The following RSPO3 variants were observed in gnomAD, a reference collection of about 807,000 sequenced individuals.
RSPO3 encodes R-spondin 3.
Under a neutral mutation model 36.5 loss-of-function variants are expected in RSPO3, and 17 were observed. The observed-to-expected ratio is 0.47, with a 90% CI of 0.32 to 0.70. RSPO3 has a LOEUF of 0.70. Among genes scored for constraint, RSPO3 ranks in the 30% least tolerant of loss-of-function variants. The pLI, the probability that RSPO3 is intolerant of heterozygous loss-of-function variation, is 0.04. For synonymous variants in RSPO3, 108 were observed against 107.0 expected, an observed-to-expected ratio of 1.01 and a Z score of -0.06; for missense variants, 294 against 322.5, an observed-to-expected ratio of 0.91 and a Z score of 0.68.
Position 127,196,310 on chromosome 6 carries a change from G to A in RSPO3, c.*303G>A. ...TAACAACGAAATGATGACATCTGGAGAAGAAACATCTTTTCCTTATAAAAA... is the reference window on the plus strand; with the variant it reads ...TAACAACGAAATGATGACATCTGGAAAAGAAACATCTTTTCCTTATAAAAA... On this transcript the variant is annotated 3_prime_UTR_variant, in exon 5 of 5. Transcript: ENST00000356698. 5.1e-6 allele frequency: 1 copy of A among 195,876 alleles called. No homozygotes were observed. The highest frequency in any genetic ancestry group is 6.1e-5 in the Admixed American group (1 of 16,484). The allele number at this position is 195,876 out of a possible 1,614,324, so 12.1% of individuals were successfully genotyped here. A position where few individuals can be genotyped will look rare whatever the true frequency, so the allele number is the denominator to read the frequency against.
rs56213480 is a variant in RSPO3 at position 127,188,743 on chromosome 6, T to C, written c.635-7080T>C. On this transcript the variant is annotated intron_variant, in intron 4 of 4. Transcript: ENST00000356698. ...GTTTATTCCAAATGCTATTAAGTTC[T>C]GAGTTAATTTCTGATAAGCAGCTTT... 5.2e-3 allele frequency among the ~76,000 whole-genome samples: 797 copies of C among 152,302 alleles called. 6 individuals carry two copies. Among genetic ancestry groups the C allele is most frequent in the African/African-American group, 0.018 (728 of 41,570 alleles).
chr6:127,196,551 T>G lies in RSPO3; in HGVS notation c.*544T>G, dbSNP rs1330438639. 1 of 152,182 alleles carries G rather than the reference T, an allele frequency of 6.6e-6. No homozygotes were observed. Among genetic ancestry groups the G allele is most frequent in the East Asian group, 1.9e-4 (1 of 5,180 alleles). 9.4% of individuals were successfully genotyped at this position (152,182 alleles called of 1,614,324 possible). On this transcript the variant is annotated 3_prime_UTR_variant, in exon 5 of 5. Transcript: ENST00000356698. ...CAGAAACAACTGTTTTAAGATTAGT[T>G]CCATCACTCTCATCCTGTATTTTTA...
At chr6:127,163,713 C>A (rs539430438) in intron 4 of RSPO3, among the ~76,000 whole-genome samples, 2 of 151,896 alleles carry the variant, frequency 1.3e-5, no homozygotes, top group African/African-American at 4.8e-5. Context: ...TTACGACATA[C>A]TTATTACTTT....
intron 1 of RSPO3, among the ~76,000 whole-genome samples, chr6:127,144,569 T>C (rs1774341039): frequency 6.6e-6 from 1 of 151,772 alleles, no homozygotes; most frequent in South Asian, 2.1e-4. Context: ...TATAATACAT[T>C]TTGTTCTCTT....
intron 1 of RSPO3, among the ~76,000 whole-genome samples, chr6:127,145,197 C>T (rs1250830292): frequency 6.6e-6 from 1 of 152,096 alleles, no homozygotes; most frequent in Non-Finnish European, 1.5e-5. Context: ...CTTTTCAAAT[C>T]CTCTTTCTTG....
chr6:127,192,502 G>A (rs1483529015), intron 4 of RSPO3: 2 of 201,308 alleles, frequency 9.9e-6, no homozygotes, highest in Non-Finnish European at 1.8e-5. Context: ...GGCAGACCTA[G>A]AATTTGAAAA....
chr6:127,150,277 A>C, intron 2 of RSPO3, 149 bp from the exon 3 acceptor site: 2 of 631,962 alleles, frequency 3.2e-6, no homozygotes, highest in Non-Finnish European at 2.7e-6. Flanking sequence ...CTGTGGAGGA[A>C]TCGTGAATTC....
chr6:127,149,858 A>C (rs1446916993), intron 2 of RSPO3, among the ~76,000 whole-genome samples: 2 of 152,104 alleles, frequency 1.3e-5, no homozygotes, highest in Non-Finnish European at 2.9e-5. Flanking sequence ...ATTGTAAAGC[A>C]TTATAGCAAT....
intron 4 of RSPO3, among the ~76,000 whole-genome samples, chr6:127,174,866 G>A (rs140108005): frequency 6.6e-6 from 1 of 151,834 alleles, no homozygotes; most frequent in East Asian, 2.0e-4. Flanking sequence ...AGTTCAAAGG[G>A]AAGTCTGACA....
At chr6:127,156,369 G>C (rs1774598338) in intron 4 of RSPO3, among the ~76,000 whole-genome samples, 1 of 152,074 alleles carries the variant, frequency 6.6e-6, no homozygotes, top group African/African-American at 2.4e-5. Context: ...CTTCCAGCCA[G>C]AAGACCCTCA....
At chr6:127,176,051 A>G (rs1775050143) in intron 4 of RSPO3, among the ~76,000 whole-genome samples, 1 of 151,814 alleles carries the variant, frequency 6.6e-6, no homozygotes. Context: ...AGATCCAGAC[A>G]TAAAGACAAA....
At chr6:127,126,256 G>A (rs1773937290) in intron 1 of RSPO3, among the ~76,000 whole-genome samples, 1 of 151,998 alleles carries the variant, frequency 6.6e-6, no homozygotes, top group South Asian at 2.1e-4. Flanking sequence ...CTGAACACAA[G>A]TACTTCAGAG....
chr6:127,183,803 A>G (rs1461421129), intron 4 of RSPO3, among the ~76,000 whole-genome samples: 2 of 151,906 alleles, frequency 1.3e-5, no homozygotes, highest in African/African-American at 4.8e-5. Flanking sequence ...GAATCTCCCA[A>G]TACTATCCAC....
At chr6:127,140,179 T>A (rs1774242350) in intron 1 of RSPO3, among the ~76,000 whole-genome samples, 1 of 152,210 alleles carries the variant, frequency 6.6e-6, no homozygotes, top group Admixed American at 6.6e-5. Flanking sequence ...GTTGTTACTC[T>A]AAGTTATTTA....
In RSPO3 at chr6:127,195,823, G is replaced by A; in HGVS notation, c.635G>A (p.Gly212Glu). The A allele has an allele frequency of 2.0e-6, 3 of 1,498,096 alleles. No homozygotes were observed. The highest frequency in any genetic ancestry group is 1.4e-5 in the South Asian group (1 of 73,122). 92.8% of individuals were successfully genotyped at this position (1,498,096 alleles called of 1,614,324 possible). ...QRKKCQKGER[G>E]KKGRERKRKK... ...TTAAAAGAGTATCCTTTCATTTCAG[G>A]AAAAAAAGGAAGGGAGAGGAAAAGA... is the stretch of plus-strand genomic sequence containing the variant. Residue 212 changes from glycine to glutamate, a missense_variant and splice_region_variant, in exon 5 of 5, where the codon GGA becomes GAA. This residue lies in a region of RSPO3 where 190 missense variants were observed against 185.2 expected (regional missense o/e 1.03). Coordinates refer to ENST00000356698, the MANE Select transcript of RSPO3 (RefSeq NM_032784.5).
chr6:127,125,264 T>C (rs1359782739), intron 1 of RSPO3, among the ~76,000 whole-genome samples: 1 of 152,220 alleles, frequency 6.6e-6, no homozygotes, highest in African/African-American at 2.4e-5. Flanking sequence ...CACCGCCTTA[T>C]TAATGTTTCA....
In RSPO3 at chr6:127,136,870, G is replaced by A. The variant is rs578195007; in HGVS notation, c.98-11778G>A. On this transcript the variant is annotated intron_variant, in intron 1 of 4. Transcript: ENST00000356698. ...GAGGAAATCTTTATTATAGATGAGAGTCTTACTAGCTGACAATGTGAACTG... is the reference window on the plus strand; with the variant it reads ...GAGGAAATCTTTATTATAGATGAGAATCTTACTAGCTGACAATGTGAACTG... 1.5e-4 allele frequency among the ~76,000 whole-genome samples: 23 copies of A among 152,278 alleles called. 1 individual carries two copies. Among genetic ancestry groups the A allele is most frequent in the African/African-American group, 5.1e-4 (21 of 41,574 alleles).
chr6:127,155,394 G>T lies in RSPO3; in HGVS notation c.590G>T (p.Arg197Ile). 2 of 1,613,800 alleles carry T rather than the reference G, an allele frequency of 1.2e-6. No homozygotes were observed. The highest frequency in any genetic ancestry group is 1.7e-6 in the Non-Finnish European group (2 of 1,179,818). Reference protein sequence around the residue: ...GNLCPPTNETRKCTVQRKKCQ... With the variant: ...GNLCPPTNETIKCTVQRKKCQ... ...CTGTGTCCCCCAACAAATGAGACAAGAAAGTGTACAGTGCAAAGGAAGAAG... is the reference window on the plus strand; with the variant it reads ...CTGTGTCCCCCAACAAATGAGACAATAAAGTGTACAGTGCAAAGGAAGAAG... The change falls in exon 4 of 5, where the codon AGA (arginine) becomes ATA (isoleucine). Residue 197 changes from arginine (R) to isoleucine (I), a missense_variant. Transcript: ENST00000356698.
intron 4 of RSPO3, among the ~76,000 whole-genome samples, chr6:127,177,427 T>G (rs974951725): frequency 6.6e-6 from 1 of 151,654 alleles, no homozygotes; most frequent in African/African-American, 2.4e-5. Flanking sequence ...CAGGCAGGAG[T>G]TGCATGTTTG....
Sources: allele counts gnomAD v4.1 joint callset (sites outside exome capture counted in the v4.1 genomes callset), GRCh38; gene constraint gnomAD v4.1.1; regional missense constraint gnomAD v4.1.1; transcripts MANE v1.5; gene names NCBI Gene and HGNC (gene_info 2026-07-23, HGNC 2026-07-21).